The following POGLUT1 variants were observed in gnomAD, a reference collection of about 807,000 sequenced individuals.
POGLUT1 encodes protein O-glucosyltransferase 1, also known as 9630046K23Rik.
POGLUT1 carries 32 observed loss-of-function variants against 61.3 expected under a neutral mutation model. The ratio of observed to expected loss-of-function variants is 0.52; its 90% confidence interval spans 0.39 to 0.70. The LOEUF (loss-of-function observed/expected upper bound fraction) is 0.70, where lower values mean the gene tolerates loss of function less well. POGLUT1 is among the 30% of genes least tolerant of loss of function. The probability of loss-of-function intolerance (pLI) is 0.00; values close to 1 mark genes in which losing one functional copy is unlikely to be tolerated. For missense variants in POGLUT1, 411 were observed against 469.8 expected (o/e 0.87, Z 1.16); for synonymous variants, 158 against 158.2 (o/e 1.00, Z 0.01).
chr3:119,476,418 A>C (rs553965888), intron 3 of POGLUT1, among the ~76,000 whole-genome samples: 5 of 151,308 alleles, frequency 3.3e-5, no homozygotes, highest in Admixed American at 2.6e-4. Context: ...TATTTTTTGC[A>C]GTTATCTCCC....
At chr3:119,487,167 C>T (rs948394274) in intron 7 of POGLUT1, 2 of 502,034 alleles carry the variant, frequency 4.0e-6, no homozygotes, top group South Asian at 5.2e-5. Context: ...AACCAGGGGT[C>T]ACAAACTTTT....
chr3:119,477,275 C>G (rs1033277081), intron 3 of POGLUT1, 38 bp from the exon 4 acceptor site: 1 of 1,608,316 alleles, frequency 6.2e-7, no homozygotes, highest in African/African-American at 1.3e-5. Flanking sequence ...AGCCTGCAGG[C>G]ACTACTCTGC....
chr3:119,471,191 G>A (rs751956653), intron 2 of POGLUT1, 118 bp from the exon 3 acceptor site: 4 of 846,852 alleles, frequency 4.7e-6, no homozygotes, highest in Middle Eastern at 3.3e-4. Context: ...TCTCACTCTC[G>A]ATTCTTTCCT....
chr3:119,471,495 T>C, intron 3 of POGLUT1, 43 bp downstream of exon 3: 1 of 1,582,500 alleles, frequency 6.3e-7, no homozygotes, highest in Non-Finnish European at 8.7e-7. Context: ...CTTTATTACA[T>C]ATGGGCTTGA....
rs1044808432 is a variant in POGLUT1, at chr3:119,469,074, T to G, written c.53T>G (p.Leu18Arg). The G allele has an allele frequency of 2.4e-5, 38 of 1,608,922 alleles. No homozygotes were observed. Among genetic ancestry groups the G allele is most frequent in the South Asian group, 4.4e-5 (4 of 90,670 alleles). ...CGGCTCTGGCTGCTGTTGTTCCTCCTGCCCTCAGCGCAGGGCCGCCAGAAG... is the reference window on the plus strand; with the variant it reads ...CGGCTCTGGCTGCTGTTGTTCCTCCGGCCCTCAGCGCAGGGCCGCCAGAAG... Reference protein sequence around the residue: ...PLRLWLLLFLLPSAQGRQKES... With the variant: ...PLRLWLLLFLRPSAQGRQKES... The change falls in exon 1 of 11, where the codon CTG becomes CGG. Residue 18 changes from leucine to arginine, a missense_variant. Coordinates refer to ENST00000295588, the MANE Select transcript of POGLUT1 (RefSeq NM_152305.3).
chr3:119,482,389 A>G (rs2081615348), intron 5 of POGLUT1, among the ~76,000 whole-genome samples: 1 of 151,606 alleles, frequency 6.6e-6, no homozygotes, highest in Non-Finnish European at 1.5e-5. Context: ...CACTTTATTT[A>G]TTTGTTTGTT....
chr3:119,471,810 G>A (rs765932502), intron 3 of POGLUT1: 9 of 315,756 alleles, frequency 2.9e-5, no homozygotes, highest in Non-Finnish European at 5.5e-5. Flanking sequence ...GTCTGTCATC[G>A]GCCAGTGTAG....
chr3:119,480,605 G>A (rs1047445987), intron 5 of POGLUT1, among the ~76,000 whole-genome samples: 4 of 152,080 alleles, frequency 2.6e-5, no homozygotes, highest in Non-Finnish European at 4.4e-5. Context: ...AAACTGTAGT[G>A]TAAACAATTT....
intron 2 of POGLUT1, among the ~76,000 whole-genome samples, chr3:119,470,708 T>C (rs1205727883): frequency 2.6e-5 from 4 of 152,226 alleles, no homozygotes; most frequent in African/African-American, 9.6e-5. Context: ...CTCCTCTGGG[T>C]CTCAGATTCT....
chr3:119,479,176 C>T (rs928333505), intron 4 of POGLUT1, among the ~76,000 whole-genome samples: 1 of 152,014 alleles, frequency 6.6e-6, no homozygotes, highest in Non-Finnish European at 1.5e-5. Flanking sequence ...GTGATCTACC[C>T]GTCTCGGCCT....
At chr3:119,471,253 T>G in intron 2 of POGLUT1, 56 bp from the exon 3 acceptor site, 1 of 1,546,312 alleles carries the variant, frequency 6.5e-7, no homozygotes, top group Non-Finnish European at 8.9e-7. Flanking sequence ...AGGAAGTAGG[T>G]GGAATGGCAC....
At chr3:119,474,583 C>A (rs1322022768) in intron 3 of POGLUT1, among the ~76,000 whole-genome samples, 1 of 152,166 alleles carries the variant, frequency 6.6e-6, no homozygotes, top group Non-Finnish European at 1.5e-5. Flanking sequence ...CACCTGTAAT[C>A]CCAGCAGTTT....
At chr3:119,482,625 G>A (rs1034674914) in intron 5 of POGLUT1, among the ~76,000 whole-genome samples, 1 of 152,048 alleles carries the variant, frequency 6.6e-6, no homozygotes, top group Non-Finnish European at 1.5e-5. Flanking sequence ...ATTTATTCAT[G>A]GTTATAGAAA....
intron 4 of POGLUT1, 54 bp from the exon 5 acceptor site, chr3:119,479,997 C>A: frequency 6.2e-7 from 1 of 1,608,762 alleles, no homozygotes; most frequent in East Asian, 2.2e-5. Flanking sequence ...TTGCAGTTGC[C>A]TCTTTTCACT....
intron 4 of POGLUT1, among the ~76,000 whole-genome samples, chr3:119,478,934 C>G (rs1410675427): frequency 6.9e-6 from 1 of 145,602 alleles, no homozygotes; most frequent in Non-Finnish European, 1.5e-5. Flanking sequence ...AAACTTTTTT[C>G]TTTTTTTTGA....
chr3:119,491,785 T>C (rs2081749387), intron 10 of POGLUT1, among the ~76,000 whole-genome samples: 1 of 152,230 alleles, frequency 6.6e-6, no homozygotes, highest in Admixed American at 6.5e-5. Flanking sequence ...CCGGGCGTGG[T>C]GGCTAACGCC....
intron 5 of POGLUT1, among the ~76,000 whole-genome samples, chr3:119,484,991 C>A (rs988362143): frequency 6.6e-6 from 1 of 152,092 alleles, no homozygotes; most frequent in African/African-American, 2.4e-5. Flanking sequence ...CCGAGGCAGG[C>A]GGATCACGAA....
rs2081774224 is a variant in POGLUT1 at position 119,493,163 on chromosome 3, A to G, written c.*725A>G. ...TCTAAAGCCAAAAAAAAAAAAAAAG[A>G]CAAAGCCTCTTAATAAATTTAATGG... On this transcript the variant is annotated 3_prime_UTR_variant, in exon 11 of 11. Coordinates refer to ENST00000295588, the MANE Select transcript of POGLUT1 (RefSeq NM_152305.3). 6.8e-6 allele frequency: 1 copy of G among 146,870 alleles called. No homozygotes were observed. Among genetic ancestry groups the G allele is most frequent in the Non-Finnish European group, 1.5e-5 (1 of 66,444 alleles). 9.1% of individuals were successfully genotyped at this position (146,870 alleles called of 1,614,324 possible).
At position 119,481,634 on chromosome 3, in the gene POGLUT1, T is replaced by A. The variant is rs545788689; in HGVS notation, c.578+1462T>A. 1.1e-4 allele frequency among the ~76,000 whole-genome samples: 16 copies of A among 152,114 alleles called. No individual in the cohort carries two copies. In the South Asian group the frequency reaches 2.9e-3, roughly 28 times the overall value. On this transcript the variant is annotated intron_variant, in intron 5 of 10. Transcript: ENST00000295588. The stretch of plus-strand genomic sequence containing the variant: ...TCTAGTGGGTATAATTTGGAAATTT[T>A]AAAAAATAATAACTTAGTCTCATAT...
Sources: allele counts gnomAD v4.1 joint callset (sites outside exome capture counted in the v4.1 genomes callset), GRCh38; gene constraint gnomAD v4.1.1; transcripts MANE v1.5; gene names NCBI Gene and HGNC (gene_info 2026-07-23, HGNC 2026-07-21).